CDH4: variants seen among roughly 807,000 people sequenced by gnomAD.
The protein encoded by CDH4 is cadherin-4.
In CDH4, 33 loss-of-function variants were observed where a neutral mutation model predicts 86.0. That is an observed-to-expected ratio of 0.38 (90% CI 0.29 to 0.51). The LOEUF is 0.51. Ranked by LOEUF, CDH4 falls within the 20% of genes least tolerant of loss-of-function variation. The probability of loss-of-function intolerance (pLI) is 0.86; values close to 1 mark genes in which losing one functional copy is unlikely to be tolerated. For missense variants in CDH4, 1,114 were observed against 1,307.4 expected, an observed-to-expected ratio of 0.85 and a Z score of 2.28; for synonymous variants, 555 against 549.4, an observed-to-expected ratio of 1.01 and a Z score of -0.14.
intron 2 of CDH4, among the ~76,000 whole-genome samples, chr20:61,525,094 G>A (rs2085900623): frequency 6.6e-6 from 1 of 152,172 alleles, no homozygotes; most frequent in Non-Finnish European, 1.5e-5. Context: ...TTGTCATTAA[G>A]CTCAAATGGT....
intron 2 of CDH4, among the ~76,000 whole-genome samples, chr20:61,687,406 A>G (rs1458576596): frequency 6.6e-6 from 1 of 152,162 alleles, no homozygotes; most frequent in Non-Finnish European, 1.5e-5. Flanking sequence ...AGGTGTGTGA[A>G]ATGGACCCAA....
At chr20:61,267,388 GAA>G (rs1245119363) in intron 2 of CDH4, among the ~76,000 whole-genome samples, 1 of 152,192 alleles carries the variant, frequency 6.6e-6, no homozygotes, top group African/African-American at 2.4e-5. Flanking sequence ...TCCCTTGAGA[GAA>G]ACCGTGTTAC....
chr20:61,867,368 G>A (rs911679975), intron 6 of CDH4, among the ~76,000 whole-genome samples: 1 of 152,152 alleles, frequency 6.6e-6, no homozygotes, highest in Non-Finnish European at 1.5e-5. Flanking sequence ...TGACCAACAT[G>A]GAGAAACCCC....
At chr20:61,650,590 G>A (rs2087110559) in intron 2 of CDH4, among the ~76,000 whole-genome samples, 1 of 152,268 alleles carries the variant, frequency 6.6e-6, no homozygotes, top group South Asian at 2.1e-4. Flanking sequence ...CAGGCCCTGT[G>A]CACAGCCAGG....
At chr20:61,388,006 G>A (rs184981810) in intron 2 of CDH4, among the ~76,000 whole-genome samples, 2 of 152,316 alleles carry the variant, frequency 1.3e-5, no homozygotes, top group African/African-American at 4.8e-5. Flanking sequence ...TGTAATAAAT[G>A]GGTGTCTATA....
intron 3 of CDH4, among the ~76,000 whole-genome samples, chr20:61,766,503 T>G (rs1479910906): frequency 6.6e-6 from 1 of 152,020 alleles, no homozygotes; most frequent in African/African-American, 2.4e-5. Flanking sequence ...GGGCTGAAGG[T>G]CCCCATGTCT....
chr20:61,586,190 GTGA>G (rs1293552552), intron 2 of CDH4, among the ~76,000 whole-genome samples: 3 of 151,956 alleles, frequency 2.0e-5, no homozygotes, highest in African/African-American at 7.3e-5. Context: ...AGTGATCATG[GTGA>G]TGATCATGAT....
intron 5 of CDH4, among the ~76,000 whole-genome samples, chr20:61,847,053 G>T (rs533059082): frequency 1.3e-5 from 2 of 152,192 alleles, no homozygotes; most frequent in African/African-American, 2.4e-5. Flanking sequence ...CCAGCAGAAG[G>T]CCTCTTCCTT....
chr20:61,907,217 G>C (rs1379903104), intron 8 of CDH4, among the ~76,000 whole-genome samples: 1 of 151,856 alleles, frequency 6.6e-6, no homozygotes, highest in Non-Finnish European at 1.5e-5. Flanking sequence ...TCAGCTCCTA[G>C]ACTCACAGCA....
At chr20:61,286,139 A>G (rs187438462) in intron 2 of CDH4, among the ~76,000 whole-genome samples, 2 of 152,222 alleles carry the variant, frequency 1.3e-5, no homozygotes, top group Non-Finnish European at 1.5e-5. Flanking sequence ...GTGAGCATTC[A>G]TATCTCCTTC....
intron 2 of CDH4, among the ~76,000 whole-genome samples, chr20:61,270,924 C>T (rs2084180007): frequency 6.6e-6 from 1 of 152,108 alleles, no homozygotes; most frequent in African/African-American, 2.4e-5. Flanking sequence ...GATTCATAGT[C>T]TGGGAAACTT....
At chr20:61,570,528 G>A in intron 2 of CDH4, 1 of 620,224 alleles carries the variant, frequency 1.6e-6, no homozygotes, top group Non-Finnish European at 2.9e-6. Flanking sequence ...GAAGGTCGAT[G>A]ACAAGGCACC....
At chr20:61,530,553 A>C (rs983381349) in intron 2 of CDH4, among the ~76,000 whole-genome samples, 17 of 152,154 alleles carry the variant, frequency 1.1e-4, no homozygotes, top group African/African-American at 3.9e-4. Context: ...GCTCCCCCAG[A>C]AAGCTCTATC....
At chr20:61,331,683 C>A (rs201878229) in intron 2 of CDH4, among the ~76,000 whole-genome samples, 189 of 144,030 alleles carry the variant, frequency 1.3e-3, no homozygotes, top group East Asian at 4.4e-3. Context: ...CCTCCTGCCC[C>A]GGCCACCTGC....
chr20:61,724,879 G>T (rs1403339599), intron 2 of CDH4, among the ~76,000 whole-genome samples: 1 of 152,190 alleles, frequency 6.6e-6, no homozygotes, highest in African/African-American at 2.4e-5. Context: ...GGGAAGCTGA[G>T]GCAGGAGGAT....
intron 2 of CDH4, among the ~76,000 whole-genome samples, chr20:61,546,271 GT>G (rs1282735895): frequency 1.3e-5 from 2 of 151,314 alleles, no homozygotes; most frequent in African/African-American, 4.9e-5. Flanking sequence ...GTGTTCACAT[GT>G]GTGTGGTGTG....
chr20:61,697,002 C>T (rs190356742), intron 2 of CDH4, among the ~76,000 whole-genome samples: 15 of 152,290 alleles, frequency 9.8e-5, no homozygotes, highest in African/African-American at 3.6e-4. Context: ...TCCGGAGCTC[C>T]CAGGGGCTGG....
chr20:61,295,276 A>G (rs1244306424), intron 2 of CDH4, among the ~76,000 whole-genome samples: 2 of 152,172 alleles, frequency 1.3e-5, no homozygotes, highest in African/African-American at 4.8e-5. Flanking sequence ...CTGATGTTTT[A>G]CATGTGATTT....
chr20:61,585,801 A>G (rs2086465673), intron 2 of CDH4, among the ~76,000 whole-genome samples: 1 of 131,142 alleles, frequency 7.6e-6, no homozygotes, highest in South Asian at 2.8e-4. Context: ...GATGGTGATG[A>G]TTGTGGTCAT....
Sources: gnomAD v4.1 joint callset for allele counts (sites outside exome capture counted in the v4.1 genomes callset) on GRCh38, gnomAD v4.1.1 for gene constraint, MANE v1.5 for transcripts, NCBI Gene and HGNC (gene_info 2026-07-23, HGNC 2026-07-21) for gene names.